The following FRY variants were observed in gnomAD, a reference collection of about 807,000 sequenced individuals.
FRY encodes FRY microtubule binding protein, also known as protein furry homolog.
Under a neutral mutation model 348.4 loss-of-function variants are expected in FRY, and 128 were observed. The ratio of observed to expected loss-of-function variants is 0.37; its 90% CI spans 0.32 to 0.43. The LOEUF (loss-of-function observed/expected upper bound fraction) is 0.43, where lower values mean the gene tolerates loss of function less well. Ranked by LOEUF, FRY falls within the 20% of genes least tolerant of loss-of-function variation. FRY has a pLI of 1.00. For synonymous variants in FRY, 1,370 were observed against 1,374.7 expected (o/e 1.00, Z 0.08); for missense variants, 2,736 against 3,695.2 (o/e 0.74, Z 6.73).
intron 1 of FRY, among the ~76,000 whole-genome samples, chr13:32,068,993 G>A (rs1168314067): frequency 2.1e-5 from 3 of 140,504 alleles, no homozygotes; most frequent in Non-Finnish European, 4.5e-5. Context: ...TCGGCTCACT[G>A]CAAGCTCCGC....
At chr13:32,155,711 T>C (rs1386227269) in intron 15 of FRY, 49 bp downstream of exon 15, 1 of 1,302,670 alleles carries the variant, frequency 7.7e-7, no homozygotes, top group East Asian at 2.4e-5. Flanking sequence ...GCCCTTAAAA[T>C]GACCAGTAGA....
At chr13:32,068,719 G>A (rs576587620) in intron 1 of FRY, among the ~76,000 whole-genome samples, 1 of 152,276 alleles carries the variant, frequency 6.6e-6, no homozygotes, top group East Asian at 1.9e-4. Context: ...AGACAAAAAT[G>A]GTTTTGAGAG....
Position 32,218,734 on chromosome 13 carries a change from T to C in FRY, c.4683-15T>C, listed in dbSNP as rs1885145131. 2 of 1,502,896 alleles carry C rather than the reference T, an allele frequency of 1.3e-6. No individual in the cohort carries two copies. Among genetic ancestry groups the C allele is most frequent in the African/African-American group, 1.4e-5 (1 of 72,474 alleles). The allele number at this position is 1,502,896 out of a possible 1,614,324, so 93.1% of individuals were successfully genotyped here. The stretch of plus-strand genomic sequence containing the variant: ...ACATGTTAATATTTCATTCTGGTTG[T>C]TCTTGTATTTGAAGGTTTAGTAATG... On this transcript the variant is annotated splice_polypyrimidine_tract_variant and intron_variant, in intron 35 of 60. Transcript: ENST00000542859.
At chr13:32,224,513 A>AT in intron 37 of FRY, 128 bp downstream of exon 37, 1 of 828,072 alleles carries the variant, frequency 1.2e-6, no homozygotes, top group Non-Finnish European at 1.9e-6. Flanking sequence ...ATCCTGCCTG[A>AT]TTTGACTGTC....
intron 29 of FRY, among the ~76,000 whole-genome samples, chr13:32,196,460 G>A (rs7322062): frequency 0.01 from 1,569 of 152,220 alleles, 19 homozygotes; most frequent in East Asian, 0.056. Context: ...AAGAGGATTT[G>A]CCATTTTTGC....
Position 32,289,636 on chromosome 13 carries a change from T to C in FRY, c.8473T>C (p.Leu2825=). The C allele has an allele frequency of 5.1e-6, 8 of 1,568,866 alleles. No homozygotes were observed. Among genetic ancestry groups the C allele is most frequent in the Non-Finnish European group, 7.0e-6 (8 of 1,138,676 alleles). Residue 2825 remains leucine (L), a synonymous_variant, in exon 59 of 61, where the codon TTG becomes CTG. Transcript: ENST00000542859. ...CQPGDSEEKQ[L]ELCQRLYKLH... The stretch of plus-strand genomic sequence containing the variant: ...CCCATGCAATTTCTCTCTTTAGCAA[T>C]TGGAACTGTGTCAGAGATTATATAA...
At chr13:32,191,987 C>G (rs568129626) in intron 28 of FRY, among the ~76,000 whole-genome samples, 18 of 152,112 alleles carry the variant, frequency 1.2e-4, no homozygotes, top group African/African-American at 4.3e-4. Context: ...TTATATAGAC[C>G]TCAAAAACTG....
At chr13:32,147,225 A>G (rs955506752) in intron 11 of FRY, 57 bp from the exon 12 acceptor site, 6 of 1,053,892 alleles carry the variant, frequency 5.7e-6, no homozygotes, top group Admixed American at 1.8e-5. Context: ...AGCCATCTCT[A>G]GAACCTCAGA....
At chr13:32,115,514 T>A (rs1312394312) in intron 3 of FRY, among the ~76,000 whole-genome samples, 2 of 152,176 alleles carry the variant, frequency 1.3e-5, no homozygotes, top group Non-Finnish European at 2.9e-5. Context: ...GTCTTCTCAT[T>A]TTCTAGAGAA....
intron 51 of FRY, 27 bp downstream of exon 51, chr13:32,254,421 TC>T (rs1566171751): frequency 2.5e-6 from 4 of 1,589,840 alleles, no homozygotes; most frequent in Non-Finnish European, 3.5e-6. Flanking sequence ...GTAAAAATAA[TC>T]CCCGCACCCT....
chr13:32,248,486 G>A (rs1427684941), intron 48 of FRY, among the ~76,000 whole-genome samples: 5 of 151,498 alleles, frequency 3.3e-5, no homozygotes, highest in African/African-American at 1.2e-4. Flanking sequence ...ACCTGTGTAA[G>A]AAACCTGCAC....
At chr13:32,209,402 A>G (rs565934655) in intron 32 of FRY, among the ~76,000 whole-genome samples, 183 bp from the exon 33 acceptor site, 1 of 152,216 alleles carries the variant, frequency 6.6e-6, no homozygotes, top group Non-Finnish European at 1.5e-5. Context: ...GGTATTATGC[A>G]TGATTGATTT....
intron 41 of FRY, 89 bp downstream of exon 41, chr13:32,231,389 G>A (rs765473614): frequency 1.4e-5 from 18 of 1,303,734 alleles, no homozygotes; most frequent in African/African-American, 5.8e-5. Context: ...GCCTTAAAAC[G>A]GTCCTGCACT....
chr13:32,209,214 T>C (rs1022340160), intron 32 of FRY, 105 bp downstream of exon 32: 105 of 1,266,488 alleles, frequency 8.3e-5, no homozygotes, highest in Non-Finnish European at 1.1e-4. Context: ...AAAAATCACA[T>C]GACTGGGGAT....
At chr13:32,069,910 G>A (rs1002104232) in intron 1 of FRY, among the ~76,000 whole-genome samples, 7 of 141,046 alleles carry the variant, frequency 5.0e-5, no homozygotes, top group African/African-American at 8.1e-5. Flanking sequence ...TCCCTGCCCT[G>A]TGTCCGTGTG....
chr13:32,231,040 G>A lies in FRY; in HGVS notation c.5406-139G>A, dbSNP rs1380421621. On this transcript the variant is annotated intron_variant, in intron 40 of 60. Transcript: ENST00000542859. ...AAATTTGTTTAAGTTCCTTATAGATGCTGGGATTAGATCTTTGTCAGATGC... is the reference window on the plus strand; with the variant it reads ...AAATTTGTTTAAGTTCCTTATAGATACTGGGATTAGATCTTTGTCAGATGC... 6.0e-6 allele frequency: 4 copies of A among 667,622 alleles called. No individual in the cohort carries two copies. The East Asian group carries it at 8.5e-5, about 14-fold the overall frequency. The allele number at this position is 667,622 out of a possible 1,614,324, so 41.4% of individuals were successfully genotyped here. A position where few individuals can be genotyped will look rare whatever the true frequency, so the allele number is the denominator to read the frequency against.
chr13:32,268,505 A>ATATATATATAT (rs1555273231), intron 55 of FRY, among the ~76,000 whole-genome samples: 4 of 28,240 alleles, frequency 1.4e-4, no homozygotes, highest in Admixed American at 4.8e-4. Context: ...AAAAAAAAAA[A>ATATATATATAT]ATATATATAT....
At chr13:32,246,554 CAA>C (rs1886813917) in intron 47 of FRY, among the ~76,000 whole-genome samples, 1 of 152,190 alleles carries the variant, frequency 6.6e-6, no homozygotes, top group South Asian at 2.1e-4. Flanking sequence ...AGGCCATGCT[CAA>C]AGAGTGTGGA....
intron 6 of FRY, 52 bp downstream of exon 6, chr13:32,124,733 C>T (rs747552282): frequency 6.6e-7 from 1 of 1,509,080 alleles, no homozygotes. Flanking sequence ...AAAACTAAAT[C>T]AGTGGTTTGC....
Sources: allele counts gnomAD v4.1 joint callset (sites outside exome capture counted in the v4.1 genomes callset), GRCh38; gene constraint gnomAD v4.1.1; transcripts MANE v1.5; gene names NCBI Gene and HGNC (gene_info 2026-07-23, HGNC 2026-07-21).